The following NNT variants were observed in gnomAD, a reference collection of about 807,000 sequenced individuals.
The protein encoded by NNT is nicotinamide nucleotide transhydrogenase, also known as NAD(P) transhydrogenase, mitochondrial.
A neutral mutation model predicts 104.8 loss-of-function variants in NNT; 50 were observed. The observed-to-expected ratio is 0.48, with a 90% CI of 0.38 to 0.60. NNT has a LOEUF of 0.60. NNT is among the 20% of genes least tolerant of loss of function. The probability of loss-of-function intolerance (pLI) is 0.00; values close to 1 mark genes in which losing one functional copy is unlikely to be tolerated. For synonymous variants in NNT, 461 were observed against 490.4 expected, an observed-to-expected ratio of 0.94 and a Z score of 0.79; for missense variants, 1,131 against 1,330.7, an observed-to-expected ratio of 0.85 and a Z score of 2.33.
chr5:43,671,500 AT>A (rs1741086678), intron 17 of NNT, among the ~76,000 whole-genome samples: 1 of 152,160 alleles, frequency 6.6e-6, no homozygotes, highest in South Asian at 2.1e-4. Context: ...ATCTCTCAGC[AT>A]TTGCTTTTCT....
At chr5:43,702,980 C>G (rs1203154448) in intron 21 of NNT, among the ~76,000 whole-genome samples, 1 of 152,152 alleles carries the variant, frequency 6.6e-6, no homozygotes, top group African/African-American at 2.4e-5. Flanking sequence ...TTAACACAAT[C>G]TGTAACCACA....
intron 19 of NNT, among the ~76,000 whole-genome samples, chr5:43,688,033 A>G (rs1446284546): frequency 6.6e-6 from 1 of 152,230 alleles, no homozygotes; most frequent in Non-Finnish European, 1.5e-5. Context: ...TTATTTAGCT[A>G]AAATAGAAGT....
At chr5:43,668,439 C>T (rs1044850577) in intron 17 of NNT, among the ~76,000 whole-genome samples, 3 of 152,046 alleles carry the variant, frequency 2.0e-5, no homozygotes, top group African/African-American at 4.8e-5. Context: ...TTTAATCCAT[C>T]TTGAGTTAAT....
At chr5:43,692,570 C>T (rs1443703946) in intron 19 of NNT, among the ~76,000 whole-genome samples, 6 of 152,138 alleles carry the variant, frequency 3.9e-5, no homozygotes, top group Non-Finnish European at 7.4e-5. Flanking sequence ...GTGATCCATC[C>T]GCCTTGGCCT....
chr5:43,645,705 A>ATTTTT (rs1463913564), intron 10 of NNT, 195 bp downstream of exon 10: 2 of 96,912 alleles, frequency 2.1e-5, no homozygotes, highest in Non-Finnish European at 3.9e-5. Flanking sequence ...ATATATATAT[A>ATTTTT]TATATTTTTT....
intron 7 of NNT, among the ~76,000 whole-genome samples, chr5:43,637,080 T>C (rs1750966932): frequency 6.6e-6 from 1 of 152,146 alleles, no homozygotes; most frequent in Non-Finnish European, 1.5e-5. Context: ...CAGACAAAGT[T>C]TTCCTGTGGT....
chr5:43,670,376 G>T (rs906126015), intron 17 of NNT, among the ~76,000 whole-genome samples: 2 of 151,920 alleles, frequency 1.3e-5, no homozygotes, highest in African/African-American at 2.4e-5. Flanking sequence ...GTGATGTTAG[G>T]GTGTCAATTT....
intron 17 of NNT, chr5:43,666,683 C>T (rs766857962): frequency 2.6e-6 from 2 of 769,768 alleles, no homozygotes; most frequent in Non-Finnish European, 4.2e-6. Flanking sequence ...CACAGGAGGA[C>T]CCCAGCCCCA....
intron 19 of NNT, among the ~76,000 whole-genome samples, chr5:43,687,747 A>C (rs1002365682): frequency 6.6e-6 from 1 of 152,150 alleles, no homozygotes; most frequent in African/African-American, 2.4e-5. Context: ...TTATGTTGGT[A>C]ATTATTTACC....
chr5:43,675,390 G>A lies in NNT; in HGVS notation c.2635-121G>A, dbSNP rs113682759. The stretch of plus-strand genomic sequence containing the variant: ...ACCAGCTGAAATTTATCTGATTAAA[G>A]TGTTTTAAATGATCAAATAAACCTT... On this transcript the variant is annotated intron_variant, in intron 17 of 21. Coordinates refer to ENST00000344920, the MANE Select transcript of NNT (RefSeq NM_182977.3). The A allele has an allele frequency of 4.0e-3, 3,197 of 798,086 alleles. 66 individuals carry two copies. In the African/African-American group the frequency reaches 0.052, roughly 13 times the overall value. 49.4% of individuals were successfully genotyped at this position (798,086 alleles called of 1,614,324 possible).
chr5:43,673,476 T>C (rs1741241869), intron 17 of NNT, among the ~76,000 whole-genome samples: 2 of 152,202 alleles, frequency 1.3e-5, no homozygotes, highest in South Asian at 4.1e-4. Context: ...GACAGAAATA[T>C]CTTAATGTCT....
chr5:43,704,903 A>G lies in NNT; in HGVS notation c.*499A>G, dbSNP rs184650537. Reference sequence around the variant, plus strand: ...AGCTGTCCCCTTGCAATTCAACCGCAGTTTGAATTAATCATATCAAATCAG... The same window carrying G: ...AGCTGTCCCCTTGCAATTCAACCGCGGTTTGAATTAATCATATCAAATCAG... On this transcript the variant is annotated 3_prime_UTR_variant, in exon 22 of 22. Transcript: ENST00000344920. The G allele has an allele frequency of 3.3e-5, 5 of 153,244 alleles. No individual in the cohort carries two copies. Among genetic ancestry groups the G allele is most frequent in the Admixed American group, 2.6e-4 (4 of 15,478 alleles). 9.5% of individuals were successfully genotyped at this position (153,244 alleles called of 1,614,324 possible).
At chr5:43,654,762 G>A (rs1489398810) in intron 14 of NNT, among the ~76,000 whole-genome samples, 1 of 152,184 alleles carries the variant, frequency 6.6e-6, no homozygotes, top group Non-Finnish European at 1.5e-5. Flanking sequence ...ATTTGTATGT[G>A]CATGTATTTT....
chr5:43,654,014 A>G (rs1236948492), intron 14 of NNT, among the ~76,000 whole-genome samples: 1 of 152,138 alleles, frequency 6.6e-6, no homozygotes, highest in Non-Finnish European at 1.5e-5. Flanking sequence ...AAACACAGCC[A>G]TTATTAAATA....
chr5:43,684,384 C>T (rs1251562569), intron 19 of NNT, among the ~76,000 whole-genome samples: 1 of 151,666 alleles, frequency 6.6e-6, no homozygotes, highest in Non-Finnish European at 1.5e-5. Context: ...ACTTTTTTTT[C>T]ACTATGAATT....
intron 17 of NNT, among the ~76,000 whole-genome samples, chr5:43,672,963 C>A: frequency 6.6e-6 from 1 of 152,226 alleles, no homozygotes; most frequent in East Asian, 1.9e-4. Context: ...CTTTATTTAC[C>A]TACTCAAGGC....
intron 19 of NNT, among the ~76,000 whole-genome samples, chr5:43,691,306 G>A (rs1256569230): frequency 6.6e-6 from 1 of 152,164 alleles, no homozygotes; most frequent in Non-Finnish European, 1.5e-5. Flanking sequence ...ATTTCACCAT[G>A]TTGGCCAGGC....
intron 17 of NNT, among the ~76,000 whole-genome samples, chr5:43,674,523 T>C (rs2112090241): frequency 6.6e-6 from 1 of 152,332 alleles, no homozygotes; most frequent in Non-Finnish European, 1.5e-5. Flanking sequence ...GAAGCAATAA[T>C]ATATTTATTA....
chr5:43,700,030 C>T lies in NNT; in HGVS notation c.2877-89C>T, dbSNP rs1257540748. On this transcript the variant is annotated intron_variant, in intron 19 of 21. Transcript: ENST00000344920. ...CAGAAAAAAGCAGAGGTGCCAAGAA[C>T]AAAGTGTGCAGATTTGGAGGTGATA... 26 of 953,110 alleles carry T rather than the reference C, an allele frequency of 2.7e-5. No homozygotes were observed. In the East Asian group the frequency reaches 6.5e-4, roughly 24 times the overall value. 59.0% of individuals were successfully genotyped at this position (953,110 alleles called of 1,614,324 possible).
Sources: allele counts gnomAD v4.1 joint callset (sites outside exome capture counted in the v4.1 genomes callset), GRCh38; gene constraint gnomAD v4.1.1; transcripts MANE v1.5; gene names NCBI Gene and HGNC (gene_info 2026-07-23, HGNC 2026-07-21).